Variants in LRRTM4 observed in about 807,000 individuals in gnomAD.
The protein encoded by LRRTM4 is leucine rich repeat transmembrane neuronal 4, also known as leucine-rich repeat transmembrane neuronal protein 4.
A neutral mutation model predicts 47.6 loss-of-function variants in LRRTM4; 25 were observed. The ratio of observed to expected loss-of-function variants is 0.53; its 90% CI spans 0.38 to 0.73. The LOEUF (loss-of-function observed/expected upper bound fraction) is 0.73, where lower values mean the gene tolerates loss of function less well. LRRTM4 is among the 30% of genes least tolerant of loss of function. The pLI, the probability that LRRTM4 is intolerant of heterozygous loss-of-function variation, is 0.00. For missense variants in LRRTM4, 638 were observed against 713.4 expected, an observed-to-expected ratio of 0.89 and a Z score of 1.20; for synonymous variants, 311 against 269.5, an observed-to-expected ratio of 1.15 and a Z score of -1.51.
intron 3 of LRRTM4, among the ~76,000 whole-genome samples, chr2:76,779,773 T>G (rs1315543443): frequency 6.6e-6 from 1 of 152,230 alleles, no homozygotes; most frequent in Admixed American, 6.5e-5. Flanking sequence ...TTAAAGATAA[T>G]ATTGTTTTGT....
intron 3 of LRRTM4, among the ~76,000 whole-genome samples, chr2:77,197,340 T>C (rs1203048605): frequency 6.6e-6 from 1 of 151,954 alleles, no homozygotes; most frequent in Non-Finnish European, 1.5e-5. Context: ...GAACTTACTT[T>C]ATGAGAAAAT....
intron 3 of LRRTM4, among the ~76,000 whole-genome samples, chr2:76,981,745 A>G (rs1235555503): frequency 2.0e-5 from 3 of 151,982 alleles, no homozygotes; most frequent in Non-Finnish European, 4.4e-5. Flanking sequence ...TTCCCGCCTC[A>G]GCCTCCCAAA....
At position 76,911,945 on chromosome 2, in the gene LRRTM4, G is replaced by A. The variant is rs538595451; in HGVS notation, c.1552-163029C>T. ...GTGGTATGTGCTTTTTGGGGGGGGG[G>A]GGGGGACAGAGTCTCGCTCTGTCGC... On this transcript the variant is annotated intron_variant, in intron 3 of 3. Transcript: ENST00000409884. Among the ~76,000 whole-genome samples the A allele has an allele frequency of 4.3e-5, 6 of 140,506 alleles. No individual in the cohort carries two copies. In the South Asian group the frequency reaches 7.1e-4, roughly 17 times the overall value. The allele number at this position is 140,506 out of a possible 152,430, so 92.2% of individuals were successfully genotyped here. A position where few individuals can be genotyped will look rare whatever the true frequency, so the allele number is the denominator to read the frequency against.
chr2:77,281,165 G>A (rs935088685), intron 3 of LRRTM4, among the ~76,000 whole-genome samples: 2 of 151,866 alleles, frequency 1.3e-5, no homozygotes, highest in African/African-American at 2.4e-5. Context: ...AGATTTCCGA[G>A]TGCCCCTCTA....
intron 3 of LRRTM4, among the ~76,000 whole-genome samples, chr2:76,905,164 C>T (rs906566078): frequency 5.3e-5 from 8 of 152,104 alleles, no homozygotes; most frequent in Non-Finnish European, 1.0e-4. Context: ...TCCAGAGGAA[C>T]GATCAGACAG....
At chr2:76,922,223 C>G (rs1041273976) in intron 3 of LRRTM4, among the ~76,000 whole-genome samples, 1 of 152,038 alleles carries the variant, frequency 6.6e-6, no homozygotes, top group Admixed American at 6.6e-5. Flanking sequence ...CTACCTGAGA[C>G]TGGGTTATTT....
chr2:77,164,296 C>T (rs991544199), intron 3 of LRRTM4, among the ~76,000 whole-genome samples: 2 of 152,108 alleles, frequency 1.3e-5, no homozygotes, highest in African/African-American at 2.4e-5. Context: ...TACAGGAGCA[C>T]CCAGATTCAT....
chr2:76,801,551 T>C (rs1675682955), intron 3 of LRRTM4, among the ~76,000 whole-genome samples: 2 of 151,982 alleles, frequency 1.3e-5, no homozygotes, highest in Admixed American at 1.3e-4. Flanking sequence ...CATTAGGAGA[T>C]ATACCTAATG....
chr2:76,895,145 A>C (rs1448980755), intron 3 of LRRTM4, among the ~76,000 whole-genome samples: 1 of 152,132 alleles, frequency 6.6e-6, no homozygotes. Context: ...TTGACACTGC[A>C]TTTGCATTTC....
chr2:76,944,747 A>T (rs1267515712), intron 3 of LRRTM4, among the ~76,000 whole-genome samples: 1 of 152,082 alleles, frequency 6.6e-6, no homozygotes, highest in Non-Finnish European at 1.5e-5. Flanking sequence ...TGGGAAATTG[A>T]GAAGTGTCCT....
At chr2:77,252,398 C>T (rs755497897) in intron 3 of LRRTM4, among the ~76,000 whole-genome samples, 31 of 152,000 alleles carry the variant, frequency 2.0e-4, no homozygotes, top group African/African-American at 3.6e-4. Context: ...TTAACCTCTG[C>T]GGGAACAGGA....
At chr2:76,902,381 A>C (rs1673668196) in intron 3 of LRRTM4, among the ~76,000 whole-genome samples, 2 of 152,204 alleles carry the variant, frequency 1.3e-5, no homozygotes, top group African/African-American at 4.8e-5. Flanking sequence ...CTATCCAATT[A>C]TACTTGAAAC....
At chr2:76,910,531 C>A (rs539987258) in intron 3 of LRRTM4, among the ~76,000 whole-genome samples, 2 of 152,010 alleles carry the variant, frequency 1.3e-5, no homozygotes, top group African/African-American at 2.4e-5. Context: ...TCTTATAGCA[C>A]CATTATTACG....
At chr2:76,871,256 C>G (rs944740503) in intron 3 of LRRTM4, among the ~76,000 whole-genome samples, 16 of 152,102 alleles carry the variant, frequency 1.1e-4, no homozygotes, top group Admixed American at 1.0e-3. Flanking sequence ...ACTGCTGTGT[C>G]TGATGTATAT....
chr2:76,843,908 C>CTT (rs538704879), intron 3 of LRRTM4, among the ~76,000 whole-genome samples: 71 of 145,382 alleles, frequency 4.9e-4, no homozygotes, highest in East Asian at 4.4e-3. Context: ...TTTCTTTTTT[C>CTT]ATTTTTTTTT....
intron 3 of LRRTM4, among the ~76,000 whole-genome samples, chr2:76,836,477 G>A (rs538378676): frequency 2.0e-5 from 3 of 151,436 alleles, no homozygotes; most frequent in East Asian, 1.9e-4. Flanking sequence ...TCTCACCTTC[G>A]TTTTCTTTCA....
chr2:77,383,587 T>A (rs1050410155), intron 3 of LRRTM4, among the ~76,000 whole-genome samples: 1 of 152,122 alleles, frequency 6.6e-6, no homozygotes, highest in South Asian at 2.1e-4. Flanking sequence ...ATATGATTAA[T>A]AATTATTAAG....
chr2:76,869,534 G>T (rs1210420500), intron 3 of LRRTM4, among the ~76,000 whole-genome samples: 1 of 152,100 alleles, frequency 6.6e-6, no homozygotes, highest in Non-Finnish European at 1.5e-5. Flanking sequence ...TGAATGGAAG[G>T]TGGGAAAGGG....
At chr2:77,448,311 C>G (rs1206531598) in intron 3 of LRRTM4, among the ~76,000 whole-genome samples, 1 of 152,142 alleles carries the variant, frequency 6.6e-6, no homozygotes, top group African/African-American at 2.4e-5. Flanking sequence ...CCAGTGCATA[C>G]CTGGCTTCTG....
Sources: allele counts gnomAD v4.1 joint callset (sites outside exome capture counted in the v4.1 genomes callset), GRCh38; gene constraint gnomAD v4.1.1; transcripts MANE v1.5; gene names NCBI Gene and HGNC (gene_info 2026-07-23, HGNC 2026-07-21).